The following NLGN1 variants were observed in gnomAD, a reference collection of about 807,000 sequenced individuals.
NLGN1 encodes neuroligin-1.
NLGN1 carries 12 observed loss-of-function variants against 65.5 expected under a neutral mutation model. The ratio of observed to expected loss-of-function variants is 0.18; its 90% CI spans 0.12 to 0.30. NLGN1 has a LOEUF of 0.30. NLGN1 is among the 10% of genes least tolerant of loss of function. The pLI, the probability that NLGN1 is intolerant of heterozygous loss-of-function variation, is 1.00. For synonymous variants in NLGN1, 350 were observed against 359.5 expected (o/e 0.97, Z 0.30); for missense variants, 750 against 1,007.1 (o/e 0.74, Z 3.46).
At chr3:173,918,510 G>C (rs1336080164) in intron 4 of NLGN1, among the ~76,000 whole-genome samples, 1 of 151,776 alleles carries the variant, frequency 6.6e-6, no homozygotes, top group South Asian at 2.1e-4. Flanking sequence ...GCGTGTGCCT[G>C]TAGTCCCAGC....
At chr3:173,873,804 TG>T (rs1260546199) in intron 4 of NLGN1, among the ~76,000 whole-genome samples, 2 of 152,174 alleles carry the variant, frequency 1.3e-5, no homozygotes, top group East Asian at 3.9e-4. Context: ...TGGGCTGAAC[TG>T]TTTCCCAAAA....
At chr3:173,711,487 AATTGGTTTT>A (rs1768977573) in intron 3 of NLGN1, among the ~76,000 whole-genome samples, 1 of 152,126 alleles carries the variant, frequency 6.6e-6, no homozygotes, top group Non-Finnish European at 1.5e-5. Context: ...TATAATATTA[AATTGGTTTT>A]AATGATGGTT....
chr3:173,452,492 C>T (rs549532051), intron 2 of NLGN1, among the ~76,000 whole-genome samples: 2 of 152,232 alleles, frequency 1.3e-5, no homozygotes, highest in African/African-American at 4.8e-5. Context: ...GCCTAATTTT[C>T]TTGCCGGCTT....
intron 4 of NLGN1, among the ~76,000 whole-genome samples, chr3:173,936,875 A>G (rs1745160024): frequency 6.6e-6 from 1 of 152,044 alleles, no homozygotes; most frequent in Non-Finnish European, 1.5e-5. Flanking sequence ...GTTTTATTGT[A>G]TCTGTATTGG....
intron 4 of NLGN1, among the ~76,000 whole-genome samples, chr3:174,165,201 G>A (rs954435120): frequency 4.6e-5 from 7 of 151,624 alleles, no homozygotes; most frequent in African/African-American, 1.5e-4. Context: ...TCTTTCTCTT[G>A]TCTGATTCCT....
chr3:173,968,900 C>T (rs1387492788), intron 4 of NLGN1, among the ~76,000 whole-genome samples: 2 of 151,106 alleles, frequency 1.3e-5, no homozygotes, highest in African/African-American at 2.4e-5. Flanking sequence ...GGGGTTTTAC[C>T]ATGTTGGCCA....
intron 4 of NLGN1, among the ~76,000 whole-genome samples, chr3:173,917,544 A>G (rs1740987888): frequency 1.3e-5 from 2 of 152,222 alleles, no homozygotes. Context: ...ATTGAATACA[A>G]AAGTAGATTT....
intron 3 of NLGN1, among the ~76,000 whole-genome samples, chr3:173,648,481 T>A (rs1246433355): frequency 6.6e-6 from 1 of 152,032 alleles, no homozygotes; most frequent in Non-Finnish European, 1.5e-5. Context: ...TAGTGGAGGG[T>A]GTGAGGAATT....
chr3:173,616,471 T>A (rs1753098054), intron 3 of NLGN1, among the ~76,000 whole-genome samples: 1 of 152,128 alleles, frequency 6.6e-6, no homozygotes, highest in Non-Finnish European at 1.5e-5. Context: ...ATATAGACTT[T>A]GTTTGATGGT....
intron 4 of NLGN1, among the ~76,000 whole-genome samples, chr3:174,259,846 C>T (rs1355285973): frequency 1.5e-5 from 2 of 134,170 alleles, no homozygotes; most frequent in South Asian, 2.7e-4. Flanking sequence ...CCCCCCACCC[C>T]ACCACAGTCC....
downstream of NLGN1, among the ~76,000 whole-genome samples, chr3:174,291,162 A>G (rs1165125535): frequency 6.6e-6 from 1 of 150,564 alleles, no homozygotes; most frequent in Non-Finnish European, 1.5e-5. Context: ...AGTTTCAAAA[A>G]AGAAGGAATA....
intron 4 of NLGN1, among the ~76,000 whole-genome samples, chr3:173,944,129 G>C (rs547792062): frequency 7.1e-6 from 1 of 140,614 alleles, no homozygotes; most frequent in African/African-American, 3.0e-5. Context: ...TTATGGGTGT[G>C]TGTGTGTGTG....
intron 4 of NLGN1, among the ~76,000 whole-genome samples, chr3:174,085,506 C>T (rs1743057821): frequency 6.6e-6 from 1 of 151,940 alleles, no homozygotes; most frequent in South Asian, 2.1e-4. Flanking sequence ...CAAACCTCCT[C>T]CCAAAGAATT....
chr3:174,213,880 A>C (rs999727648), intron 4 of NLGN1, among the ~76,000 whole-genome samples: 11 of 152,302 alleles, frequency 7.2e-5, no homozygotes, highest in African/African-American at 2.4e-4. Context: ...CCTTGGATTT[A>C]AGATTAGGGA....
chr3:174,117,371 C>A (rs939745910), intron 4 of NLGN1, among the ~76,000 whole-genome samples: 9 of 152,144 alleles, frequency 5.9e-5, no homozygotes, highest in African/African-American at 2.2e-4. Context: ...AATCCCAGCA[C>A]TTTGGGAGGC....
At chr3:173,847,123 G>T (rs747653600) in intron 4 of NLGN1, among the ~76,000 whole-genome samples, 2 of 152,010 alleles carry the variant, frequency 1.3e-5, no homozygotes, top group Non-Finnish European at 2.9e-5. Flanking sequence ...TCTCCTAAAT[G>T]TATTCCTTTA....
chr3:173,893,882 G>T (rs775131330), intron 4 of NLGN1, among the ~76,000 whole-genome samples: 1 of 152,136 alleles, frequency 6.6e-6, no homozygotes, highest in Non-Finnish European at 1.5e-5. Flanking sequence ...TCTGCACCCT[G>T]AATACTTATG....
At chr3:173,755,246 A>G (rs1241280973) in intron 3 of NLGN1, among the ~76,000 whole-genome samples, 1 of 152,122 alleles carries the variant, frequency 6.6e-6, no homozygotes, top group Non-Finnish European at 1.5e-5. Flanking sequence ...TTCTGATGTT[A>G]TATTGGTATA....
chr3:173,562,481 C>A (rs184965022), intron 2 of NLGN1, among the ~76,000 whole-genome samples: 1 of 151,732 alleles, frequency 6.6e-6, no homozygotes, highest in South Asian at 2.1e-4. Context: ...GCAGGGGAAT[C>A]GCTTGAACCC....
Sources: allele counts gnomAD v4.1 joint callset (sites outside exome capture counted in the v4.1 genomes callset), GRCh38; gene constraint gnomAD v4.1.1; transcripts MANE v1.5; gene names NCBI Gene and HGNC (gene_info 2026-07-23, HGNC 2026-07-21).